The following PTPRD variants were observed in gnomAD, a reference collection of about 807,000 sequenced individuals.
PTPRD encodes protein tyrosine phosphatase receptor type D, also known as receptor-type tyrosine-protein phosphatase delta.
PTPRD carries 34 observed loss-of-function variants against 214.5 expected under a neutral mutation model. The observed-to-expected ratio is 0.16, with a 90% CI of 0.12 to 0.21. The LOEUF (loss-of-function observed/expected upper bound fraction) is 0.21, where lower values mean the gene tolerates loss of function less well. Ranked by LOEUF, PTPRD falls within the 10% of genes least tolerant of loss-of-function variation. The pLI, the probability that PTPRD is intolerant of heterozygous loss-of-function variation, is 1.00. For missense variants in PTPRD, 2,545 were observed against 2,398.7 expected (o/e 1.06, Z -1.27); for synonymous variants, 1,128 against 845.7 (o/e 1.33, Z -5.79).
At chr9:8,369,256 T>C (rs1005029799) in intron 39 of PTPRD, among the ~76,000 whole-genome samples, 2 of 152,146 alleles carry the variant, frequency 1.3e-5, no homozygotes, top group Admixed American at 6.5e-5. Context: ...GTCTTTTGTT[T>C]TTATGCTCTT....
chr9:8,872,522 G>C (rs1236862551), intron 11 of PTPRD, among the ~76,000 whole-genome samples: 1 of 152,034 alleles, frequency 6.6e-6, no homozygotes, highest in East Asian at 1.9e-4. Flanking sequence ...CTAGTATTTT[G>C]GCCATAATTA....
intron 11 of PTPRD, among the ~76,000 whole-genome samples, chr9:8,798,664 G>A (rs2096499162): frequency 6.6e-6 from 1 of 152,208 alleles, no homozygotes; most frequent in Admixed American, 6.5e-5. Context: ...TACGTTAAGT[G>A]TTGATGGTGG....
At chr9:9,427,730 A>T (rs1381151291) in intron 8 of PTPRD, among the ~76,000 whole-genome samples, 4 of 152,234 alleles carry the variant, frequency 2.6e-5, no homozygotes, top group African/African-American at 4.8e-5. Flanking sequence ...GAAACTCTAC[A>T]AGCCAGAAGA....
chr9:10,476,431 G>C (rs898779418), intron 2 of PTPRD, among the ~76,000 whole-genome samples: 1 of 151,938 alleles, frequency 6.6e-6, no homozygotes, highest in Non-Finnish European at 1.5e-5. Context: ...AACTTACAAG[G>C]GACATGAAGG....
At position 8,559,823 on chromosome 9, in the gene PTPRD, C is replaced by T. The variant is rs186121335; in HGVS notation, c.353-31044G>A. ...AAGTCAGCTTCAAAGAACACCATTT[C>T]GACTCTCAAAGAACATTATCAATGT... On this transcript the variant is annotated intron_variant, in intron 14 of 45. Transcript: ENST00000381196. Among the ~76,000 whole-genome samples the T allele has an allele frequency of 3.9e-5, 6 of 152,288 alleles. No homozygotes were observed. In the East Asian group the frequency reaches 5.8e-4, roughly 15 times the overall value.
At chr9:8,419,605 G>C (rs1006981117) in intron 35 of PTPRD, among the ~76,000 whole-genome samples, 3 of 150,948 alleles carry the variant, frequency 2.0e-5, no homozygotes, top group Admixed American at 6.6e-5. Context: ...TACAATAAGG[G>C]AAGAAAAGAA....
intron 9 of PTPRD, among the ~76,000 whole-genome samples, chr9:9,193,788 T>G (rs1183074405): frequency 6.6e-6 from 1 of 152,118 alleles, no homozygotes; most frequent in Non-Finnish European, 1.5e-5. Context: ...TGAGTGAATG[T>G]GAAGGCCTAG....
intron 7 of PTPRD, among the ~76,000 whole-genome samples, chr9:9,628,218 A>C (rs528858992): frequency 6.6e-6 from 1 of 152,120 alleles, no homozygotes; most frequent in Non-Finnish European, 1.5e-5. Context: ...TGGTCTCTCC[A>C]GTCACTTCAC....
At chr9:9,500,519 G>C (rs1040056510) in intron 8 of PTPRD, among the ~76,000 whole-genome samples, 2 of 152,084 alleles carry the variant, frequency 1.3e-5, no homozygotes, top group Non-Finnish European at 2.9e-5. Flanking sequence ...GATTTGGTTG[G>C]ATAGGGTATC....
At chr9:9,379,916 T>C (rs1048815507) in intron 9 of PTPRD, among the ~76,000 whole-genome samples, 2 of 152,052 alleles carry the variant, frequency 1.3e-5, no homozygotes, top group African/African-American at 4.8e-5. Context: ...TTATTAGTTC[T>C]AGGAGTTTTT....
intron 9 of PTPRD, among the ~76,000 whole-genome samples, chr9:9,264,601 A>C (rs559807794): frequency 6.6e-6 from 1 of 151,732 alleles, no homozygotes; most frequent in Admixed American, 6.6e-5. Flanking sequence ...AGAGAGAAAA[A>C]AGGCAGAAAG....
intron 11 of PTPRD, among the ~76,000 whole-genome samples, chr9:8,936,951 T>C (rs982784510): frequency 1.3e-5 from 2 of 152,198 alleles, no homozygotes; most frequent in Non-Finnish European, 1.5e-5. Flanking sequence ...TCAACTCATC[T>C]AGTAAGAGGA....
intron 3 of PTPRD, among the ~76,000 whole-genome samples, chr9:10,076,359 T>G (rs920428056): frequency 6.6e-6 from 1 of 152,032 alleles, no homozygotes; most frequent in African/African-American, 2.4e-5. Flanking sequence ...TGTGGGAAGA[T>G]TTTCTCAGAT....
intron 9 of PTPRD, among the ~76,000 whole-genome samples, chr9:9,217,526 G>T (rs1474933751): frequency 6.6e-6 from 1 of 152,016 alleles, no homozygotes; most frequent in Non-Finnish European, 1.5e-5. Flanking sequence ...CTCTCATCTG[G>T]GAGTATATTG....
At chr9:10,553,329 A>G (rs2061757032) in intron 2 of PTPRD, among the ~76,000 whole-genome samples, 1 of 150,334 alleles carries the variant, frequency 6.7e-6, no homozygotes, top group African/African-American at 2.4e-5. Context: ...TCATAGACTC[A>G]TATGTTAACA....
At chr9:10,555,519 C>CT (rs2062351329) in intron 2 of PTPRD, among the ~76,000 whole-genome samples, 1 of 152,130 alleles carries the variant, frequency 6.6e-6, no homozygotes, top group South Asian at 2.1e-4. Flanking sequence ...TTTTGCAGCC[C>CT]TAGCATGCCT....
chr9:10,412,439 A>G (rs967391445), intron 2 of PTPRD, among the ~76,000 whole-genome samples: 4 of 151,700 alleles, frequency 2.6e-5, no homozygotes, highest in African/African-American at 9.7e-5. Context: ...GCCAACCAAA[A>G]AAAAAGCTTA....
rs1422046306 is a variant in PTPRD at position 8,315,195 on chromosome 9, CAGTA to C, written c.*2675_*2678del. ...CACAGAGTGGAATGCACATCAATGA[CAGTA>C]AGGGAGTTAGTTCTAGGAACAGCTC... On this transcript the variant is annotated 3_prime_UTR_variant, in exon 46 of 46. Transcript: ENST00000381196. 4.3e-6 allele frequency: 1 copy of C among 232,648 alleles called. No homozygotes were observed. Among genetic ancestry groups the C allele is most frequent in the African/African-American group, 2.2e-5 (1 of 45,256 alleles). 14.4% of individuals were successfully genotyped at this position (232,648 alleles called of 1,614,324 possible).
intron 11 of PTPRD, among the ~76,000 whole-genome samples, chr9:8,845,104 G>A (rs1601680274): frequency 6.6e-6 from 1 of 151,442 alleles, no homozygotes; most frequent in Non-Finnish European, 1.5e-5. Flanking sequence ...TTTAAAGAAT[G>A]GATGTATAAA....
Sources: allele counts gnomAD v4.1 joint callset (sites outside exome capture counted in the v4.1 genomes callset), GRCh38; gene constraint gnomAD v4.1.1; transcripts MANE v1.5; gene names NCBI Gene and HGNC (gene_info 2026-07-23, HGNC 2026-07-21).